MTR: variants seen among roughly 807,000 people sequenced by gnomAD.
MTR encodes the protein methionine synthase.
A neutral mutation model predicts 154.8 loss-of-function variants in MTR; 84 were observed. That is an observed-to-expected ratio of 0.54 (90% CI 0.45 to 0.65). The LOEUF is 0.65. MTR is among the 30% of genes least tolerant of loss of function. The pLI is 0.00. For missense variants in MTR, 1,275 were observed against 1,570.2 expected (o/e 0.81, Z 3.18); for synonymous variants, 554 against 553.9 (o/e 1.00, Z 0.00).
At chr1:236,859,388 G>A (rs1664392477) in intron 18 of MTR, among the ~76,000 whole-genome samples, 1 of 152,188 alleles carries the variant, frequency 6.6e-6, no homozygotes, top group Non-Finnish European at 1.5e-5. Context: ...CAGAGTCCTT[G>A]AGAGCATAGT....
At chr1:236,813,683 A>G (rs1044009801) in intron 6 of MTR, among the ~76,000 whole-genome samples, 11 of 152,116 alleles carry the variant, frequency 7.2e-5, no homozygotes, top group Admixed American at 2.0e-4. Flanking sequence ...TCTATGATTT[A>G]TGTCTTCTGT....
In MTR at chr1:236,902,126, C is replaced by T. The variant is rs1666943116; in HGVS notation, c.*4482C>T. On this transcript the variant is annotated 3_prime_UTR_variant, in exon 33 of 33. Transcript: ENST00000366577. ...TGCCTGAATAACCATCTCCCCGTGA[C>T]CTAGGATATATCCCAGCCCCTTAGA... 6.6e-6 allele frequency: 1 copy of T among 152,344 alleles called. No individual in the cohort carries two copies. The highest frequency in any genetic ancestry group is 2.1e-4 in the South Asian group (1 of 4,822). 9.4% of individuals were successfully genotyped at this position (152,344 alleles called of 1,614,324 possible).
Position 236,816,487 on chromosome 1 carries a change from T to G in MTR, c.708T>G (p.Leu236=). ...GTIVDKSGRT[L]SGQTGEGFVI... is the part of the protein sequence containing the mutation. The stretch of plus-strand genomic sequence containing the variant: ...TCGTTGATAAAAGTGGGCGGACTCT[T>G]TCCGGACAGACAGGAGAGGGATTTG... Residue 236 remains leucine, a synonymous_variant, in exon 8 of 33, where the codon CTT becomes CTG. Transcript: ENST00000366577. The G allele has an allele frequency of 6.2e-7, 1 of 1,614,150 alleles. No individual in the cohort carries two copies. The highest frequency in any genetic ancestry group is 2.2e-5 in the East Asian group (1 of 44,878).
In MTR at chr1:236,889,196, T is replaced by C. The variant is rs764628879; in HGVS notation, c.2867T>C (p.Ile956Thr). The C allele has an allele frequency of 5.6e-6, 9 of 1,614,050 alleles. No individual in the cohort carries two copies. Among genetic ancestry groups the C allele is most frequent in the Non-Finnish European group, 7.6e-6 (9 of 1,180,034 alleles). ...TCTCCTGTAGTGAAGCCCACGTTTA[T>C]TGGGACCCAGGTCTTTGAAGACTAT... is the stretch of plus-strand genomic sequence containing the variant. ...SEPHPVKPTFIGTQVFEDYDL... is the reference protein window; with the variant it reads ...SEPHPVKPTFTGTQVFEDYDL... The change falls in exon 28 of 33, where the codon ATT becomes ACT. Residue 956 changes from isoleucine to threonine, a missense_variant. Transcript: ENST00000366577.
At chr1:236,861,081 TTCTTTCTTTC>T in intron 19 of MTR, 34 bp from the exon 20 acceptor site, 1 of 1,498,796 alleles carries the variant, frequency 6.7e-7, no homozygotes, top group African/African-American at 1.4e-5. Flanking sequence ...GATTTTTTTT[TTCTTTCTTTC>T]TTTTTCTTTT....
Position 236,902,173 on chromosome 1 carries a change from C to A in MTR, c.*4529C>A, listed in dbSNP as rs1666945511. On this transcript the variant is annotated 3_prime_UTR_variant, in exon 33 of 33. Coordinates refer to ENST00000366577, the MANE Select transcript of MTR (RefSeq NM_000254.3). ...TAGAGGCATGCAAAGCCTTCCATGT[C>A]TGACCCTGCCTCATGTCTTGGAAGC... 1 of 152,316 alleles carries A rather than the reference C, an allele frequency of 6.6e-6. No homozygotes were observed. Among genetic ancestry groups the A allele is most frequent in the Non-Finnish European group, 1.5e-5 (1 of 68,188 alleles). 9.4% of individuals were successfully genotyped at this position (152,316 alleles called of 1,614,324 possible).
At chr1:236,863,288 G>A (rs1328819850) in intron 21 of MTR, among the ~76,000 whole-genome samples, 166 bp from the exon 22 acceptor site, 1 of 152,260 alleles carries the variant, frequency 6.6e-6, no homozygotes, top group Non-Finnish European at 1.5e-5. Flanking sequence ...TAGCCCATTA[G>A]GTGGGCCTCC....
intron 8 of MTR, among the ~76,000 whole-genome samples, chr1:236,823,416 T>A (rs1662089629): frequency 6.6e-6 from 1 of 152,228 alleles, no homozygotes; most frequent in South Asian, 2.1e-4. Context: ...ATTAGGGATA[T>A]TTAACCTATA....
rs1368483015 is a variant in MTR, at chr1:236,795,676, C to T, written c.-28C>T. 2 of 1,613,776 alleles carry T rather than the reference C, an allele frequency of 1.2e-6. No individual in the cohort carries two copies. Among genetic ancestry groups the T allele is most frequent in the African/African-American group, 1.3e-5 (1 of 74,958 alleles). ...GGAGAGCACGTCTTCTCTGCCGCGC[C>T]CTCTGCGCAAGGAGGAGACTCGACA... On this transcript the variant is annotated 5_prime_UTR_variant, in exon 1 of 33. Coordinates refer to ENST00000366577, the MANE Select transcript of MTR (RefSeq NM_000254.3).
chr1:236,887,331 A>G (rs1666066788), intron 27 of MTR, among the ~76,000 whole-genome samples: 1 of 152,202 alleles, frequency 6.6e-6, no homozygotes, highest in African/African-American at 2.4e-5. Flanking sequence ...TCTCATCCCA[A>G]CGTGGCTCCT....
At chr1:236,840,007 G>T (rs1376450126) in intron 15 of MTR, among the ~76,000 whole-genome samples, 1 of 152,204 alleles carries the variant, frequency 6.6e-6, no homozygotes, top group Non-Finnish European at 1.5e-5. Flanking sequence ...TCAACTGGGT[G>T]GGGTAGGGAT....
At position 236,829,215 on chromosome 1, in the gene MTR, G is replaced by A. The variant is rs760580602; in HGVS notation, c.1022G>A (p.Cys341Tyr). The stretch of plus-strand genomic sequence containing the variant: ...GAAATTGCTGAAGCTGTGAAAAATT[G>A]TAAGCCTAGAGTTCCACCTGCCACT... ...IREIAEAVKNCKPRVPPATAF... is the reference protein window; with the variant it reads ...IREIAEAVKNYKPRVPPATAF... Residue 341 changes from cysteine (C) to tyrosine (Y), a missense_variant, in exon 12 of 33, where the codon TGT becomes TAT. By Grantham distance (194) the Cys-to-Tyr change is radical. Coordinates refer to ENST00000366577, the MANE Select transcript of MTR (RefSeq NM_000254.3). 2.5e-6 allele frequency: 4 copies of A among 1,613,832 alleles called. No homozygotes were observed. The African/African-American group carries it at 5.3e-5, about 22-fold the overall frequency.
Position 236,900,010 on chromosome 1 carries a change from C to T in MTR, c.*2366C>T. On this transcript the variant is annotated 3_prime_UTR_variant, in exon 33 of 33. Transcript: ENST00000366577. ...CCACTGCTTTAAAAAACAATTATCC[C>T]TTACAGACTTGAACATTTGCAGACG... The T allele has an allele frequency of 4.6e-6, 1 of 215,354 alleles. No individual in the cohort carries two copies. The highest frequency in any genetic ancestry group is 4.6e-4 in the Middle Eastern group (1 of 2,152). The allele number at this position is 215,354 out of a possible 1,614,324, so 13.3% of individuals were successfully genotyped here.
chr1:236,849,474 G>A (rs528736024), intron 15 of MTR, among the ~76,000 whole-genome samples: 1 of 152,208 alleles, frequency 6.6e-6, no homozygotes, highest in African/African-American at 2.4e-5. Flanking sequence ...CTGAAAAGGG[G>A]GCACTTGGGC....
chr1:236,810,309 G>A (rs561590916), intron 4 of MTR, among the ~76,000 whole-genome samples, 194 bp from the exon 5 acceptor site: 19 of 152,108 alleles, frequency 1.2e-4, no homozygotes, highest in Non-Finnish European at 1.3e-4. Context: ...ATAGTCTCTC[G>A]TTAGTTTAGG....
chr1:236,814,411 AG>A (rs1326006978), intron 6 of MTR, among the ~76,000 whole-genome samples: 1 of 152,204 alleles, frequency 6.6e-6, no homozygotes, highest in African/African-American at 2.4e-5. Flanking sequence ...CATTAAGGAT[AG>A]GTTTTGTTGA....
chr1:236,798,031 G>C (rs1448502982), intron 1 of MTR, among the ~76,000 whole-genome samples: 1 of 151,798 alleles, frequency 6.6e-6, no homozygotes, highest in Non-Finnish European at 1.5e-5. Context: ...CTAGAAATTA[G>C]AGATCCAAAA....
At position 236,822,312 on chromosome 1, in the gene MTR, GT is replaced by G. The variant is rs199660325; in HGVS notation, c.765-1792del. On this transcript the variant is annotated intron_variant, in intron 8 of 32. Coordinates refer to ENST00000366577, the MANE Select transcript of MTR (RefSeq NM_000254.3). ...TAAATGGTTTTGTGGGGTTTTTTTT[GT>G]TTTTTTTTTTTTTTGAGACAGCATC... Among the ~76,000 whole-genome samples the G allele has an allele frequency of 5.0e-3, 629 of 124,914 alleles. 11 individuals are homozygous for G. The highest frequency in any genetic ancestry group is 0.031 in the Admixed American group (344 of 11,220). 81.9% of individuals were successfully genotyped at this position (124,914 alleles called of 152,430 possible).
intron 29 of MTR, among the ~76,000 whole-genome samples, chr1:236,892,048 A>G (rs1300846219): frequency 1.3e-5 from 2 of 152,214 alleles, no homozygotes; most frequent in Non-Finnish European, 2.9e-5. Flanking sequence ...TATCATATGC[A>G]TGTCCCTTTA....
Sources: gnomAD v4.1 joint callset for allele counts (sites outside exome capture counted in the v4.1 genomes callset) on GRCh38, gnomAD v4.1.1 for gene constraint, MANE v1.5 for transcripts, NCBI Gene and HGNC (gene_info 2026-07-23, HGNC 2026-07-21) for gene names.